Variants in ELAVL2 observed in about 807,000 individuals in gnomAD.
ELAVL2 encodes the protein ELAV-like protein 2.
In ELAVL2, 4 loss-of-function variants were observed where a neutral mutation model predicts 34.6. That is an observed-to-expected ratio of 0.12 (90% CI 0.06 to 0.26). The LOEUF (loss-of-function observed/expected upper bound fraction) is 0.26, where lower values mean the gene tolerates loss of function less well. Ranked by LOEUF, ELAVL2 falls within the 10% of genes least tolerant of loss-of-function variation. The pLI is 1.00. For synonymous variants in ELAVL2, 193 were observed against 154.8 expected, an observed-to-expected ratio of 1.25 and a Z score of -1.83; for missense variants, 432 against 442.8, an observed-to-expected ratio of 0.98 and a Z score of 0.22.
the ELAVL2 span, among the ~76,000 whole-genome samples, chr9:23,841,966 T>A: frequency 6.6e-6 from 1 of 152,176 alleles, no homozygotes; most frequent in Non-Finnish European, 1.5e-5. Flanking sequence ...CAAAATCAAC[T>A]CATCAGATAA....
Position 23,701,575 on chromosome 9 carries a change from A to G in ELAVL2, c.517T>C (p.Phe173Leu). The G allele has an allele frequency of 6.2e-7, 1 of 1,614,092 alleles. No individual in the cohort carries two copies. The highest frequency in any genetic ancestry group is 8.5e-7 in the Non-Finnish European group (1 of 1,179,980). The change falls in exon 5 of 7, where the codon TTT becomes CTT. Residue 173 changes from phenylalanine (F) to leucine (L), a missense_variant. Physicochemically the swap from Phe to Leu is conservative, Grantham distance 22 (BLOSUM62 0). Coordinates refer to ENST00000397312, the MANE Select transcript of ELAVL2 (RefSeq NM_004432.5). ...GISRGVGFIR[F>L]DKRIEAEEAI... ...TCTTCTGCCTCAATTCGCTTGTCAA[A>G]TCGAATAAACCCTACACCCCTTGAT... is the stretch of plus-strand genomic sequence containing the variant.
intron 1 of ELAVL2, among the ~76,000 whole-genome samples, chr9:23,770,786 T>A (rs1051383053): frequency 3.3e-5 from 5 of 152,192 alleles, no homozygotes. Flanking sequence ...ATAAATCTTG[T>A]ATTGTTTTAA....
the ELAVL2 span, among the ~76,000 whole-genome samples, chr9:23,845,163 T>C: frequency 3.9e-5 from 6 of 151,930 alleles, no homozygotes; most frequent in South Asian, 6.2e-4. Flanking sequence ...GAGTTAATTA[T>C]ACCATAAATT....
At chr9:23,847,908 A>G in the ELAVL2 span, among the ~76,000 whole-genome samples, 1 of 152,106 alleles carries the variant, frequency 6.6e-6, no homozygotes, top group East Asian at 1.9e-4. Flanking sequence ...ACTTCAACTA[A>G]AACAGTATTT....
At chr9:23,696,554 T>C (rs2035299974) in intron 5 of ELAVL2, among the ~76,000 whole-genome samples, 1 of 152,192 alleles carries the variant, frequency 6.6e-6, no homozygotes, top group Admixed American at 6.5e-5. Context: ...CTGCAAACTC[T>C]GCCTCCCGGG....
chr9:23,844,540 A>G, the ELAVL2 span, among the ~76,000 whole-genome samples: 10 of 152,018 alleles, frequency 6.6e-5, no homozygotes, highest in African/African-American at 2.2e-4. Flanking sequence ...TATCTTTAAC[A>G]AAGGATCGTG....
chr9:23,723,346 T>A (rs1388490547), intron 3 of ELAVL2, among the ~76,000 whole-genome samples: 4 of 151,826 alleles, frequency 2.6e-5, no homozygotes, highest in Non-Finnish European at 4.4e-5. Flanking sequence ...CCGCATGTTC[T>A]CACTCATAGG....
At chr9:23,800,521 A>C (rs2061455146) in intron 1 of ELAVL2, among the ~76,000 whole-genome samples, 1 of 152,184 alleles carries the variant, frequency 6.6e-6, no homozygotes, top group Admixed American at 6.5e-5. Flanking sequence ...TTCAAGGATG[A>C]AGTGAAATGC....
chr9:23,723,213 C>T lies in ELAVL2; in HGVS notation c.333+7809G>A, dbSNP rs2044185351. On this transcript the variant is annotated intron_variant, in intron 3 of 6. Transcript: ENST00000397312. ...TAGACTGGATTAAGAAAATGTGGCA[C>T]ATATACACCATGGAATACTATGCAG... Among the ~76,000 whole-genome samples, 3 of 152,030 alleles carry T rather than the reference C, an allele frequency of 2.0e-5. No homozygotes were observed. The South Asian group carries it at 6.2e-4, about 32-fold the overall frequency.
At chr9:23,834,932 G>A in the ELAVL2 span, among the ~76,000 whole-genome samples, 2 of 151,984 alleles carry the variant, frequency 1.3e-5, no homozygotes, top group African/African-American at 4.8e-5. Context: ...ATCACAAAAA[G>A]CTCAATGTAC....
chr9:23,725,464 G>A (rs954740270), intron 3 of ELAVL2, among the ~76,000 whole-genome samples: 1 of 152,166 alleles, frequency 6.6e-6, no homozygotes, highest in Non-Finnish European at 1.5e-5. Flanking sequence ...TATTTTAACA[G>A]AGGACCTACT....
intron 3 of ELAVL2, 31 bp downstream of exon 3, chr9:23,730,991 G>A (rs370714450): frequency 4.1e-5 from 65 of 1,574,624 alleles, no homozygotes; most frequent in South Asian, 3.5e-4. Context: ...CTTCTGTTCC[G>A]CAAGTAGATA....
intron 4 of ELAVL2, among the ~76,000 whole-genome samples, chr9:23,703,475 T>A (rs768240261): frequency 1.3e-5 from 2 of 152,274 alleles, no homozygotes; most frequent in Non-Finnish European, 1.5e-5. Flanking sequence ...GACTAAATAG[T>A]CTCATGACAG....
At chr9:23,816,603 C>CT (rs1313672927) in intron 1 of ELAVL2, among the ~76,000 whole-genome samples, 1 of 151,344 alleles carries the variant, frequency 6.6e-6, no homozygotes, top group East Asian at 2.0e-4. Context: ...ATGGTTCAAA[C>CT]TTACGATTTT....
intron 1 of ELAVL2, among the ~76,000 whole-genome samples, chr9:23,796,074 C>CA (rs2060888507): frequency 6.6e-6 from 1 of 152,036 alleles, no homozygotes; most frequent in African/African-American, 2.4e-5. Context: ...TTATGAGAAA[C>CA]AAAAATTTGA....
chr9:23,815,417 C>T (rs1349123822), intron 1 of ELAVL2, among the ~76,000 whole-genome samples: 1 of 152,110 alleles, frequency 6.6e-6, no homozygotes, highest in East Asian at 1.9e-4. Flanking sequence ...TCCCTGCAGT[C>T]TGGGATTTTT....
At chr9:23,831,066 G>A (rs938239751), upstream of ELAVL2, among the ~76,000 whole-genome samples, 1 of 152,152 alleles carries the variant, frequency 6.6e-6, no homozygotes, top group African/African-American at 2.4e-5. Context: ...AAAGTTAAAG[G>A]AAACCATCTG....
chr9:23,833,506 G>T, the ELAVL2 span, among the ~76,000 whole-genome samples: 5 of 151,660 alleles, frequency 3.3e-5, no homozygotes, highest in Non-Finnish European at 7.4e-5. Context: ...TGTGAAAAAA[G>T]ATATTTTATA....
chr9:23,704,028 G>A (rs1038867833), intron 4 of ELAVL2, among the ~76,000 whole-genome samples: 4 of 152,046 alleles, frequency 2.6e-5, no homozygotes, highest in South Asian at 2.1e-4. Context: ...CGCCTCTGGG[G>A]TTCAAGTGAT....
Sources: gnomAD v4.1 joint callset for allele counts (sites outside exome capture counted in the v4.1 genomes callset) on GRCh38, gnomAD v4.1.1 for gene constraint, MANE v1.5 for transcripts, NCBI Gene and HGNC (gene_info 2026-07-23, HGNC 2026-07-21) for gene names.